Variants in NRG1 observed in about 807,000 individuals in gnomAD.
The protein encoded by NRG1 is neuregulin 1, also known as pro-neuregulin-1, membrane-bound isoform.
A neutral mutation model predicts 63.8 loss-of-function variants in NRG1; 18 were observed. That is an observed-to-expected ratio of 0.28 (90% CI 0.19 to 0.42). NRG1 has a LOEUF of 0.42. Ranked by LOEUF, NRG1 falls within the 10% of genes least tolerant of loss-of-function variation. The pLI is 1.00. For missense variants in NRG1, 762 were observed against 814.7 expected, an observed-to-expected ratio of 0.94 and a Z score of 0.79; for synonymous variants, 302 against 301.3, an observed-to-expected ratio of 1.00 and a Z score of -0.02.
At position 32,599,938 on chromosome 8, in the gene NRG1, T is replaced by C. The variant is rs550342412; in HGVS notation, c.278+3933T>C. Among the ~76,000 whole-genome samples, 5 of 152,336 alleles carry C rather than the reference T, an allele frequency of 3.3e-5. No homozygotes were observed. The East Asian group carries it at 7.7e-4, about 23-fold the overall frequency. On this transcript the variant is annotated intron_variant, in intron 2 of 11. Coordinates refer to ENST00000356819, the Ensembl canonical transcript of NRG1. ...CCTCTATTTTTACTGGTTGCTTTTT[T>C]TGACTTTATAATGGAAAAAGTTTAT...
At chr8:32,513,386 G>C (rs1829446380) in intron 1 of NRG1, among the ~76,000 whole-genome samples, 1 of 148,650 alleles carries the variant, frequency 6.7e-6, no homozygotes, top group Non-Finnish European at 1.5e-5. Flanking sequence ...GGAAAGGAGT[G>C]AAAATTCTTG....
At chr8:32,012,327 A>C (rs1475842132) in intron 1 of NRG1, among the ~76,000 whole-genome samples, 1 of 152,130 alleles carries the variant, frequency 6.6e-6, no homozygotes, top group Admixed American at 6.6e-5. Context: ...TGTAGAGAGA[A>C]GATGAGCATC....
At chr8:32,057,275 A>G (rs1332559102) in intron 1 of NRG1, among the ~76,000 whole-genome samples, 1 of 152,220 alleles carries the variant, frequency 6.6e-6, no homozygotes, top group Non-Finnish European at 1.5e-5. Flanking sequence ...CTACAACTGT[A>G]TAATGACATT....
At chr8:32,493,130 G>A (rs148487209) in intron 1 of NRG1, among the ~76,000 whole-genome samples, 5 of 152,226 alleles carry the variant, frequency 3.3e-5, no homozygotes, top group African/African-American at 1.2e-4. Flanking sequence ...CAACCCTTCT[G>A]TGTGTTAAAT....
rs1003984839 is a variant in NRG1, at chr8:31,823,715, A to T, written c.37+184284A>T. The stretch of plus-strand genomic sequence containing the variant: ...GTAGCATACTGACCAAATCTATGCC[A>T]TGATTTTACCTTCTACTGATGGAAA... On this transcript the variant is annotated intron_variant, in intron 1 of 10. Coordinates refer to the NRG1 transcript ENST00000519301. Among the ~76,000 whole-genome samples, 25 of 152,256 alleles carry T rather than the reference A, an allele frequency of 1.6e-4. 1 individual carries two copies. The highest frequency in any genetic ancestry group is 1.6e-3 in the Admixed American group (24 of 15,288).
chr8:32,608,519 C>A (rs1845751662), intron 3 of NRG1, among the ~76,000 whole-genome samples: 1 of 151,988 alleles, frequency 6.6e-6, no homozygotes, highest in Admixed American at 6.6e-5. Context: ...CTGTATCTGA[C>A]TATATGCTTG....
intron 1 of NRG1, among the ~76,000 whole-genome samples, chr8:32,325,418 GT>G (rs1484683377): frequency 6.6e-6 from 1 of 152,166 alleles, no homozygotes; most frequent in Non-Finnish European, 1.5e-5. Context: ...AGACAGCTCT[GT>G]CCCCCAGGCT....
intron 1 of NRG1, among the ~76,000 whole-genome samples, chr8:32,355,091 AT>A (rs1806188270): frequency 6.6e-6 from 1 of 152,214 alleles, no homozygotes; most frequent in African/African-American, 2.4e-5. Flanking sequence ...AAAAATTTAT[AT>A]AGTAAAACAA....
At chr8:32,280,263 G>A (rs990805489) in intron 1 of NRG1, among the ~76,000 whole-genome samples, 8 of 152,318 alleles carry the variant, frequency 5.3e-5, no homozygotes, top group African/African-American at 1.7e-4. Context: ...CAGGGAATAC[G>A]CACGCACACT....
At chr8:32,085,195 C>A (rs892707828) in intron 1 of NRG1, among the ~76,000 whole-genome samples, 2 of 152,200 alleles carry the variant, frequency 1.3e-5, no homozygotes, top group African/African-American at 4.8e-5. Flanking sequence ...CCATAGGATT[C>A]TTTTAACTCT....
At chr8:31,835,922 A>G (rs1329570889) in intron 1 of NRG1, among the ~76,000 whole-genome samples, 4 of 152,206 alleles carry the variant, frequency 2.6e-5, no homozygotes, top group Non-Finnish European at 5.9e-5. Context: ...TTGAGCGAGC[A>G]CTTGAGATAT....
At chr8:32,594,033 T>C (rs758002407) in intron 1 of NRG1, among the ~76,000 whole-genome samples, 29 of 152,264 alleles carry the variant, frequency 1.9e-4, no homozygotes, top group Non-Finnish European at 3.5e-4. Flanking sequence ...GCTGTAGGGG[T>C]ACTGCTAAGA....
At chr8:32,421,983 G>C (rs1021362634) in intron 1 of NRG1, among the ~76,000 whole-genome samples, 4 of 150,680 alleles carry the variant, frequency 2.7e-5, no homozygotes, top group Non-Finnish European at 5.9e-5. Flanking sequence ...CTGGAGACTT[G>C]GAAGGGTGGG....
intron 5 of NRG1, chr8:32,647,654 T>G (rs985306915): frequency 1.8e-5 from 27 of 1,497,744 alleles, no homozygotes; most frequent in Non-Finnish European, 2.1e-5. Flanking sequence ...ATCATTTGGT[T>G]GGGGGGGCCT....
chr8:31,816,243 A>C (rs891372325), intron 1 of NRG1, among the ~76,000 whole-genome samples: 1 of 152,094 alleles, frequency 6.6e-6, no homozygotes, highest in Non-Finnish European at 1.5e-5. Context: ...GAGGCTGGGG[A>C]TGTGTGTCCC....
intron 1 of NRG1, among the ~76,000 whole-genome samples, chr8:32,075,000 G>T (rs188723593): frequency 6.6e-6 from 1 of 152,284 alleles, no homozygotes; most frequent in African/African-American, 2.4e-5. Context: ...GTGCCTTTAG[G>T]CAGGATGCCT....
intron 1 of NRG1, among the ~76,000 whole-genome samples, chr8:31,771,126 C>T (rs368852544): frequency 6.6e-6 from 1 of 152,166 alleles, no homozygotes; most frequent in Admixed American, 6.5e-5. Context: ...CCCAAAGGAA[C>T]TCTTTGGTGC....
chr8:31,651,890 C>T (rs1804882975), intron 1 of NRG1, among the ~76,000 whole-genome samples: 2 of 152,106 alleles, frequency 1.3e-5, no homozygotes, highest in Non-Finnish European at 2.9e-5. Context: ...ATATCTCTAG[C>T]CCAGACCTTT....
chr8:32,673,165 G>A (rs1806151573), intron 5 of NRG1, among the ~76,000 whole-genome samples: 1 of 152,144 alleles, frequency 6.6e-6, no homozygotes, highest in Non-Finnish European at 1.5e-5. Context: ...TCTAGCAACT[G>A]AGCAAATACC....
Sources: gnomAD v4.1 joint callset for allele counts (sites outside exome capture counted in the v4.1 genomes callset) on GRCh38, gnomAD v4.1.1 for gene constraint, MANE v1.5 for transcripts, NCBI Gene and HGNC (gene_info 2026-07-23, HGNC 2026-07-21) for gene names.